The following ZRANB2 variants were observed in gnomAD, a reference collection of about 807,000 sequenced individuals.
ZRANB2 encodes zinc finger RANBP2-type containing 2.
A neutral mutation model predicts 53.4 loss-of-function variants in ZRANB2; 19 were observed. That is an observed-to-expected ratio of 0.36 (90% CI 0.25 to 0.52). ZRANB2 has a LOEUF of 0.52. ZRANB2 is among the 20% of genes least tolerant of loss of function. ZRANB2 has a pLI of 0.93. For missense variants in ZRANB2, 309 were observed against 401.1 expected (o/e 0.77, Z 1.96); for synonymous variants, 145 against 134.8 (o/e 1.08, Z -0.52).
intron 6 of ZRANB2, 28 bp from the exon 7 acceptor site, chr1:71,071,024 AT>A: frequency 6.6e-7 from 1 of 1,507,552 alleles, no homozygotes; most frequent in Non-Finnish European, 8.9e-7. Flanking sequence ...ATAATTAGAC[AT>A]TTAGATATTA....
In ZRANB2 at chr1:71,064,937, T is replaced by C. The variant is rs1275154169; in HGVS notation, c.*137A>G. The stretch of plus-strand genomic sequence containing the variant: ...TTAACTTCACAAATAAACACAGCTG[T>C]ATTGTTTTGAAAAGCAATGAAAGGC... On this transcript the variant is annotated 3_prime_UTR_variant, in exon 10 of 10. Coordinates refer to ENST00000370920, the MANE Select transcript of ZRANB2 (RefSeq NM_203350.3). 3.7e-6 allele frequency: 2 copies of C among 545,168 alleles called. No homozygotes were observed. Among genetic ancestry groups the C allele is most frequent in the Admixed American group, 3.4e-5 (1 of 29,554 alleles). 33.8% of individuals were successfully genotyped at this position (545,168 alleles called of 1,614,324 possible).
Position 71,072,177 on chromosome 1 carries a change from A to C in ZRANB2, c.457T>G (p.Ser153Ala). Residue 153 changes from serine to alanine, a missense_variant, in exon 6 of 10, where the codon TCA becomes GCA. By Grantham distance (99) the Ser-to-Ala change is moderately conservative (BLOSUM62 1). Transcript: ENST00000370920. ...TCCTCATCCTCTTCTTCTCCCTCTG[A>C]TTCTTTATCTTCAACTTCCTTTAAT... The part of the protein sequence containing the change: ...SILKEVEDKE[S>A]EGEEEDEDED... 1 of 1,612,234 alleles carries C rather than the reference A, an allele frequency of 6.2e-7. No individual in the cohort carries two copies. The highest frequency in any genetic ancestry group is 8.5e-7 in the Non-Finnish European group (1 of 1,179,160).
intron 3 of ZRANB2, among the ~76,000 whole-genome samples, chr1:71,078,194 C>A (rs4650100): frequency 0.34 from 51,657 of 151,962 alleles, 10,170 homozygotes; most frequent in South Asian, 0.44. Flanking sequence ...CCACCACCCC[C>A]CGATTGGTTT....
chr1:71,075,168 A>G (rs1661679955), intron 4 of ZRANB2, among the ~76,000 whole-genome samples: 1 of 152,180 alleles, frequency 6.6e-6, no homozygotes, highest in African/African-American at 2.4e-5. Flanking sequence ...TTAAAAAAGG[A>G]TTTTAAATTT....
intron 1 of ZRANB2, 140 bp downstream of exon 1, chr1:71,080,800 T>C (rs1347405803): frequency 5.3e-6 from 5 of 947,694 alleles, no homozygotes; most frequent in Non-Finnish European, 8.4e-6. Context: ...GGGAGCCTTC[T>C]TCCCGCCAGG....
chr1:71,072,451 G>C, intron 5 of ZRANB2, 21 bp downstream of exon 5: 1 of 1,572,074 alleles, frequency 6.4e-7, no homozygotes, highest in African/African-American at 1.4e-5. Flanking sequence ...TATTCAACCT[G>C]AACACCAAAA....
intron 4 of ZRANB2, among the ~76,000 whole-genome samples, chr1:71,075,859 ATTATG>A: frequency 6.7e-6 from 1 of 149,352 alleles, no homozygotes; most frequent in African/African-American, 2.5e-5. Flanking sequence ...GATCAAGGAC[ATTATG>A]TTATAATGTT....
intron 3 of ZRANB2, 141 bp downstream of exon 3, chr1:71,078,316 G>A: frequency 2.9e-6 from 2 of 680,842 alleles, no homozygotes; most frequent in South Asian, 3.9e-5. Context: ...TATACTTAAA[G>A]ATGAGACTGA....
chr1:71,079,128 G>A (rs1661776937), intron 1 of ZRANB2, among the ~76,000 whole-genome samples: 1 of 151,872 alleles, frequency 6.6e-6, no homozygotes, highest in Admixed American at 6.5e-5. Flanking sequence ...GGGCTTCATG[G>A]ATCTTAATGA....
rs779019050 is a variant in ZRANB2, at chr1:71,070,865, T to C, written c.645A>G (p.Ser215=). 105 of 1,608,266 alleles carry C rather than the reference T, an allele frequency of 6.5e-5. No individual in the cohort carries two copies. The highest frequency in any genetic ancestry group is 8.8e-5 in the Non-Finnish European group (104 of 1,176,982). ...TTGAACTTGAGGGGGAGGATGAGCG[T>C]GATGAAGATCGTGAATGTGAAGATC... is the stretch of plus-strand genomic sequence containing the variant. ...KSRSSHSRSS[S]RSSSPSSSRS... Residue 215 remains serine, a synonymous_variant, in exon 7 of 10, where the codon TCA becomes TCG. Coordinates refer to ENST00000370920, the MANE Select transcript of ZRANB2 (RefSeq NM_203350.3).
At chr1:71,065,938 C>A in intron 9 of ZRANB2, 1 of 771,228 alleles carries the variant, frequency 1.3e-6, no homozygotes, top group Non-Finnish European at 1.9e-6. Context: ...ATCTTAACAT[C>A]TAAACTCCAA....
intron 3 of ZRANB2, among the ~76,000 whole-genome samples, chr1:71,077,535 C>A (rs2101051525): frequency 6.6e-6 from 1 of 152,240 alleles, no homozygotes; most frequent in South Asian, 2.1e-4. Context: ...AATTTATAAT[C>A]CTGAGGATCA....
At chr1:71,075,253 T>C (rs1661683348) in intron 4 of ZRANB2, among the ~76,000 whole-genome samples, 1 of 152,056 alleles carries the variant, frequency 6.6e-6, no homozygotes, top group Non-Finnish European at 1.5e-5. Context: ...CCTAGGGTGG[T>C]AATGGAAAAG....
At chr1:71,079,369 A>G (rs1049372613) in intron 1 of ZRANB2, among the ~76,000 whole-genome samples, 1 of 152,198 alleles carries the variant, frequency 6.6e-6, no homozygotes, top group African/African-American at 2.4e-5. Flanking sequence ...TCAAACCTAA[A>G]GAATTACTGG....
At chr1:71,067,591 A>AT (rs752742988) in intron 8 of ZRANB2, 16 of 400,592 alleles carry the variant, frequency 4.0e-5, no homozygotes, top group Admixed American at 1.9e-4. Flanking sequence ...TTAAATACAA[A>AT]TTTTTTTTCT....
In ZRANB2 at chr1:71,063,726, CA is replaced by C. The variant is rs1357718663; in HGVS notation, c.*1347del. ...ATTTCTACATAAGATATCTTGCTTT[CA>C]TTTTTAGATCAGCTGAAGAGAAAAA... On this transcript the variant is annotated 3_prime_UTR_variant, in exon 10 of 10. Coordinates refer to ENST00000370920, the MANE Select transcript of ZRANB2 (RefSeq NM_203350.3). 2 of 152,328 alleles carry C rather than the reference CA, an allele frequency of 1.3e-5. No homozygotes were observed. Among genetic ancestry groups the C allele is most frequent in the Non-Finnish European group, 2.9e-5 (2 of 67,854 alleles). The allele number at this position is 152,328 out of a possible 1,614,324, so 9.4% of individuals were successfully genotyped here.
In ZRANB2 at chr1:71,070,890, C is replaced by G. The variant is rs751304480; in HGVS notation, c.620G>C (p.Arg207Pro). The G allele has an allele frequency of 1.2e-6, 2 of 1,611,156 alleles. No individual in the cohort carries two copies. The highest frequency in any genetic ancestry group is 2.2e-5 in the East Asian group (1 of 44,808). ...KSNRRSRSKS[R>P]SSHSRSSSRS... ...TGATGAAGATCGTGAATGTGAAGAT[C>G]GAGACTTTGAGCGACTTCGTCTATT... The change falls in exon 7 of 10, where the codon CGA (arginine) becomes CCA (proline). Residue 207 changes from arginine to proline, a missense_variant. This residue lies in a region of ZRANB2 where 211 missense variants were observed against 196.1 expected (regional missense o/e 1.08). Coordinates refer to ENST00000370920, the MANE Select transcript of ZRANB2 (RefSeq NM_203350.3).
At chr1:71,073,613 C>T (rs1400386534) in intron 4 of ZRANB2, among the ~76,000 whole-genome samples, 1 of 151,546 alleles carries the variant, frequency 6.6e-6, no homozygotes. Flanking sequence ...CTTCAAAATA[C>T]TTGGAAGTTA....
rs7411 is a variant in ZRANB2 at position 71,063,718 on chromosome 1, C to T, written c.*1356G>A. 0.5 allele frequency: 75,952 copies of T among 152,094 alleles called. 19,195 individuals are homozygous for T. The highest frequency in any genetic ancestry group is 0.74 in the East Asian group (3,839 of 5,170). 9.4% of individuals were successfully genotyped at this position (152,094 alleles called of 1,614,324 possible). Reference sequence around the variant, plus strand: ...ATCAAAATATTTCTACATAAGATATCTTGCTTTCATTTTTAGATCAGCTGA... The same window carrying T: ...ATCAAAATATTTCTACATAAGATATTTTGCTTTCATTTTTAGATCAGCTGA... On this transcript the variant is annotated 3_prime_UTR_variant, in exon 10 of 10. Transcript: ENST00000370920.
Sources: allele counts gnomAD v4.1 joint callset (sites outside exome capture counted in the v4.1 genomes callset), GRCh38; gene constraint gnomAD v4.1.1; regional missense constraint gnomAD v4.1.1; transcripts MANE v1.5; gene names NCBI Gene and HGNC (gene_info 2026-07-23, HGNC 2026-07-21).